Variants in BACH2 observed in about 807,000 individuals in gnomAD.
BACH2 encodes BACH transcriptional regulator 2, also known as transcription regulator protein BACH2.
Under a neutral mutation model 61.8 loss-of-function variants are expected in BACH2, and 5 were observed. The ratio of observed to expected loss-of-function variants is 0.08; its 90% CI spans 0.04 to 0.17. BACH2 has a LOEUF of 0.17. Ranked by LOEUF, BACH2 falls within the 10% of genes least tolerant of loss-of-function variation. The pLI, the probability that BACH2 is intolerant of heterozygous loss-of-function variation, is 1.00. For missense variants in BACH2, 824 were observed against 1,091.1 expected (o/e 0.76, Z 3.45); for synonymous variants, 446 against 440.1 (o/e 1.01, Z -0.17).
At chr6:90,173,073 T>C (rs1767871255) in intron 4 of BACH2, among the ~76,000 whole-genome samples, 1 of 151,226 alleles carries the variant, frequency 6.6e-6, no homozygotes, top group African/African-American at 2.4e-5. Context: ...GAGAATGGTG[T>C]GTACAACTGT....
rs1325820314 is a variant in BACH2, at chr6:89,930,581, G to A, written c.*1827C>T. On this transcript the variant is annotated 3_prime_UTR_variant, in exon 9 of 9. Coordinates refer to ENST00000257749, the MANE Select transcript of BACH2 (RefSeq NM_021813.4). ...GACCCGGACCCAAGGCCACTGGAGC[G>A]AGGGAGCTGATTCCTCCTCCTCTGG... The A allele has an allele frequency of 1.7e-4, 26 of 152,814 alleles. No homozygotes were observed. The highest frequency in any genetic ancestry group is 1.6e-3 in the Admixed American group (24 of 15,286). 9.5% of individuals were successfully genotyped at this position (152,814 alleles called of 1,614,324 possible). A position where few individuals can be genotyped will look rare whatever the true frequency, so the allele number is the denominator to read the frequency against.
chr6:90,133,676 T>C (rs1784176815), intron 4 of BACH2, among the ~76,000 whole-genome samples: 1 of 152,196 alleles, frequency 6.6e-6, no homozygotes, highest in Non-Finnish European at 1.5e-5. Context: ...TATCTCCTAA[T>C]GCTATCCCTC....
intron 1 of BACH2, among the ~76,000 whole-genome samples, chr6:90,292,759 C>A (rs533429495): frequency 3.3e-5 from 5 of 152,322 alleles, no homozygotes; most frequent in African/African-American, 1.2e-4. Context: ...GGGAGACAAG[C>A]AGCCCCCAGG....
chr6:90,145,732 C>G (rs1784593235), intron 4 of BACH2, among the ~76,000 whole-genome samples: 1 of 152,172 alleles, frequency 6.6e-6, no homozygotes, highest in African/African-American at 2.4e-5. Context: ...TTAAGTCTCC[C>G]TCTGACGAAT....
intron 4 of BACH2, among the ~76,000 whole-genome samples, chr6:90,150,775 C>T (rs1048803596): frequency 3.3e-5 from 5 of 152,178 alleles, no homozygotes; most frequent in Non-Finnish European, 7.4e-5. Flanking sequence ...TTAGCACCCC[C>T]ACCATGCATG....
intron 8 of BACH2, among the ~76,000 whole-genome samples, chr6:89,935,954 A>C (rs1772995878): frequency 6.6e-6 from 1 of 152,250 alleles, no homozygotes; most frequent in Admixed American, 6.5e-5. Flanking sequence ...TATGTGATTT[A>C]AATTAAATTT....
chr6:90,048,441 C>T (rs981279756), intron 5 of BACH2, among the ~76,000 whole-genome samples: 10 of 152,154 alleles, frequency 6.6e-5, no homozygotes, highest in Admixed American at 2.6e-4. Flanking sequence ...TGGTATTTCA[C>T]GCTTGTTTCA....
chr6:90,296,450 G>A (rs1772394700), intron 1 of BACH2, 30 bp downstream of exon 1: 1 of 150,176 alleles, frequency 6.7e-6, no homozygotes, highest in Non-Finnish European at 1.5e-5. Context: ...GCCCAGCGGC[G>A]GGGCCCGGGG....
At chr6:89,956,726 G>A (rs1774447369) in intron 6 of BACH2, among the ~76,000 whole-genome samples, 1 of 152,202 alleles carries the variant, frequency 6.6e-6, no homozygotes, top group Non-Finnish European at 1.5e-5. Context: ...CTATGATAGG[G>A]ATGAGGCAGT....
intron 1 of BACH2, among the ~76,000 whole-genome samples, chr6:90,295,807 G>T (rs1772341170): frequency 6.6e-6 from 1 of 152,204 alleles, no homozygotes. Context: ...TTCGCTAGGA[G>T]AGATTCGATC....
At chr6:90,113,702 T>C (rs1042271250) in intron 4 of BACH2, among the ~76,000 whole-genome samples, 29 of 151,786 alleles carry the variant, frequency 1.9e-4, no homozygotes, top group Admixed American at 1.1e-3. Context: ...CTGAAGAATA[T>C]TGAGACATGA....
At chr6:89,952,830 T>TA (rs1338814999) in intron 6 of BACH2, 1 of 152,226 alleles carries the variant, frequency 6.6e-6, no homozygotes, top group Non-Finnish European at 1.5e-5. Context: ...CACAATGACT[T>TA]AGACAATTAA....
intron 5 of BACH2, among the ~76,000 whole-genome samples, chr6:90,086,528 T>C (rs995840530): frequency 1.3e-5 from 2 of 152,174 alleles, no homozygotes; most frequent in Admixed American, 6.5e-5. Context: ...TGTCGCCCTC[T>C]GCCCCACAAG....
intron 1 of BACH2, among the ~76,000 whole-genome samples, chr6:90,293,442 A>T (rs1002223418): frequency 3.3e-5 from 5 of 152,198 alleles, no homozygotes; most frequent in African/African-American, 4.8e-5. Context: ...TCAACAATAC[A>T]GATTGGCTTG....
intron 5 of BACH2, among the ~76,000 whole-genome samples, chr6:90,072,595 A>AT (rs1781285997): frequency 6.6e-6 from 1 of 152,068 alleles, no homozygotes; most frequent in Non-Finnish European, 1.5e-5. Flanking sequence ...CGCATCTGTT[A>AT]TTTTTTTACC....
intron 1 of BACH2, among the ~76,000 whole-genome samples, chr6:90,283,671 G>A (rs1771929740): frequency 4.6e-5 from 7 of 152,106 alleles, no homozygotes; most frequent in South Asian, 2.1e-4. Context: ...CACCACACCC[G>A]GCCTCCTCAT....
chr6:89,958,536 A>ATG lies in BACH2; in HGVS notation c.244-6675_244-6674insCA, dbSNP rs146661969. Among the ~76,000 whole-genome samples the ATG allele has an allele frequency of 1.3e-3, 202 of 152,362 alleles. 1 individual carries two copies. The highest frequency in any genetic ancestry group is 4.6e-3 in the African/African-American group (193 of 41,592). On this transcript the variant is annotated intron_variant, in intron 6 of 8. Coordinates refer to ENST00000257749, the MANE Select transcript of BACH2 (RefSeq NM_021813.4). ...GACCTGGCATTAAGTAACAACCAGT[A>ATG]TTATTGCTGTTGCTACAAATATGAA...
intron 4 of BACH2, among the ~76,000 whole-genome samples, chr6:90,163,684 T>C (rs1393256078): frequency 1.3e-5 from 2 of 152,192 alleles, no homozygotes; most frequent in African/African-American, 2.4e-5. Flanking sequence ...CCAAATTTTA[T>C]CCATTCAGGA....
chr6:90,052,195 T>C (rs1780078517), intron 5 of BACH2, among the ~76,000 whole-genome samples: 1 of 152,244 alleles, frequency 6.6e-6, no homozygotes, highest in Non-Finnish European at 1.5e-5. Flanking sequence ...AACTATTCAG[T>C]TGTACTGCTT....
Sources: gnomAD v4.1 joint callset for allele counts (sites outside exome capture counted in the v4.1 genomes callset) on GRCh38, gnomAD v4.1.1 for gene constraint, MANE v1.5 for transcripts, NCBI Gene and HGNC (gene_info 2026-07-23, HGNC 2026-07-21) for gene names.